RARS2: variants seen among roughly 807,000 people sequenced by gnomAD.
The protein encoded by RARS2 is arginyl-tRNA synthetase 2, mitochondrial.
A neutral mutation model predicts 88.5 loss-of-function variants in RARS2; 67 were observed. That is an observed-to-expected ratio of 0.76 (90% CI 0.62 to 0.93). The LOEUF (loss-of-function observed/expected upper bound fraction) is 0.93. Ranked by LOEUF, RARS2 falls within the 40% of genes least tolerant of loss-of-function variation. RARS2 has a pLI of 0.00. For synonymous variants in RARS2, 239 were observed against 230.3 expected (o/e 1.04, Z -0.34); for missense variants, 664 against 684.2 (o/e 0.97, Z 0.33).
intron 8 of RARS2, among the ~76,000 whole-genome samples, chr6:87,536,396 T>G (rs1312294307): frequency 2.0e-5 from 3 of 152,038 alleles, no homozygotes; most frequent in Non-Finnish European, 4.4e-5. Context: ...CAGCATTTTG[T>G]GAGGCCAAGG....
intron 10 of RARS2, among the ~76,000 whole-genome samples, chr6:87,526,164 T>C (rs141708960): frequency 1.1e-3 from 175 of 152,238 alleles, no homozygotes; most frequent in African/African-American, 4.0e-3. Flanking sequence ...AAATCAATCA[T>C]AAAATTCATA....
At chr6:87,532,765 T>C (rs758682139) in intron 8 of RARS2, among the ~76,000 whole-genome samples, 1 of 152,186 alleles carries the variant, frequency 6.6e-6, no homozygotes, top group Non-Finnish European at 1.5e-5. Context: ...GGAGTGGTCT[T>C]AGGATACCTG....
intron 7 of RARS2, 93 bp downstream of exon 7, chr6:87,545,523 C>A: frequency 1.3e-6 from 2 of 1,533,450 alleles, no homozygotes; most frequent in South Asian, 1.2e-5. Flanking sequence ...ACTACTTCAT[C>A]CAATGGGATT....
At chr6:87,531,307 C>T (rs1475601807) in intron 8 of RARS2, among the ~76,000 whole-genome samples, 1 of 152,090 alleles carries the variant, frequency 6.6e-6, no homozygotes, top group Non-Finnish European at 1.5e-5. Flanking sequence ...TCCACAGATC[C>T]CCAGGGTAAG....
intron 1 of RARS2, among the ~76,000 whole-genome samples, chr6:87,573,357 A>G (rs997447305): frequency 2.0e-5 from 3 of 152,228 alleles, no homozygotes; most frequent in Non-Finnish European, 4.4e-5. Context: ...AACCATCCCC[A>G]TGATCCAATC....
At chr6:87,539,436 T>C (rs1428455804) in intron 8 of RARS2, among the ~76,000 whole-genome samples, 1 of 152,260 alleles carries the variant, frequency 6.6e-6, no homozygotes, top group Non-Finnish European at 1.5e-5. Flanking sequence ...TCCTACAATT[T>C]AGCCTAAATA....
At chr6:87,518,060 TA>T (rs1772406924) in intron 17 of RARS2, 108 bp downstream of exon 17, 5 of 1,603,660 alleles carry the variant, frequency 3.1e-6, no homozygotes, top group Non-Finnish European at 2.6e-6. Flanking sequence ...GGGAAAAGTC[TA>T]GAGGCAGAAG....
intron 11 of RARS2, among the ~76,000 whole-genome samples, 173 bp from the exon 12 acceptor site, chr6:87,521,697 T>TAAA (rs141783410): frequency 6.6e-6 from 1 of 151,820 alleles, no homozygotes; most frequent in East Asian, 1.9e-4. Context: ...TATAAAATGA[T>TAAA]AAAAATAGGT....
rs548129565 is a variant in RARS2 at position 87,580,758 on chromosome 6, T to TTTTA, written c.36+9160_36+9163dup. Among the ~76,000 whole-genome samples the TTTTA allele has an allele frequency of 5.3e-5, 8 of 151,960 alleles. No homozygotes were observed. The South Asian group carries it at 1.2e-3, about 24-fold the overall frequency. On this transcript the variant is annotated intron_variant, in intron 1 of 19. Transcript: ENST00000369536. ...CAGACATTGGCCACTGCACCTGGCC[T>TTTTA]TTTATTTATTTATTTATTTGCTTAC...
chr6:87,527,926 G>A (rs1333296408), intron 10 of RARS2, among the ~76,000 whole-genome samples: 4 of 152,040 alleles, frequency 2.6e-5, no homozygotes, highest in Non-Finnish European at 4.4e-5. Context: ...ATGGGGAGGC[G>A]GGAGAGCATC....
At chr6:87,545,551 A>G in intron 7 of RARS2, 65 bp downstream of exon 7, 1 of 1,606,316 alleles carries the variant, frequency 6.2e-7, no homozygotes, top group Non-Finnish European at 8.5e-7. Flanking sequence ...TATTCTGTCC[A>G]GATCAAAGTT....
intron 1 of RARS2, among the ~76,000 whole-genome samples, chr6:87,572,163 G>A (rs1227767906): frequency 2.0e-5 from 3 of 151,046 alleles, no homozygotes; most frequent in Non-Finnish European, 4.4e-5. Context: ...GAGACCTTGA[G>A]AAAGTAATTT....
At chr6:87,571,050 C>T (rs894323520) in intron 1 of RARS2, among the ~76,000 whole-genome samples, 1 of 152,144 alleles carries the variant, frequency 6.6e-6, no homozygotes, top group African/African-American at 2.4e-5. Flanking sequence ...TACTCAACCC[C>T]TATGCCATAT....
chr6:87,587,478 T>C (rs574008221), intron 1 of RARS2, among the ~76,000 whole-genome samples: 25 of 152,370 alleles, frequency 1.6e-4, no homozygotes, highest in African/African-American at 6.0e-4. Context: ...TTTACACTGC[T>C]GTATAAATCC....
chr6:87,558,028 T>C (rs1786564352), intron 4 of RARS2, among the ~76,000 whole-genome samples: 1 of 151,912 alleles, frequency 6.6e-6, no homozygotes, highest in African/African-American at 2.4e-5. Flanking sequence ...ATACAAAAAA[T>C]TAGCCAGGTG....
intron 18 of RARS2, among the ~76,000 whole-genome samples, chr6:87,515,550 T>G (rs1350769239): frequency 6.6e-6 from 1 of 152,026 alleles, no homozygotes; most frequent in African/African-American, 2.4e-5. Context: ...ATTTCAATGT[T>G]AATTTTACAA....
intron 4 of RARS2, among the ~76,000 whole-genome samples, chr6:87,556,790 C>CA (rs71018038): frequency 0.17 from 13,311 of 76,912 alleles, 1,354 homozygotes; most frequent in South Asian, 0.24. Context: ...GACTCTGTCT[C>CA]AAAAAAAAAA....
At chr6:87,584,727 A>G (rs1237262409) in intron 1 of RARS2, 10 of 463,400 alleles carry the variant, frequency 2.2e-5, no homozygotes, top group Non-Finnish European at 4.3e-5. Flanking sequence ...AGAAAGAAAC[A>G]TTTAATATGG....
intron 17 of RARS2, among the ~76,000 whole-genome samples, chr6:87,517,699 A>G (rs1056005406): frequency 4.6e-5 from 7 of 152,210 alleles, no homozygotes; most frequent in African/African-American, 1.7e-4. Flanking sequence ...CGTCAGAGCT[A>G]AAATGTGTGG....
Sources: allele counts gnomAD v4.1 joint callset (sites outside exome capture counted in the v4.1 genomes callset), GRCh38; gene constraint gnomAD v4.1.1; transcripts MANE v1.5; gene names NCBI Gene and HGNC (gene_info 2026-07-23, HGNC 2026-07-21).